The following FAT3 variants were observed in gnomAD, a reference collection of about 807,000 sequenced individuals.
FAT3 encodes protocadherin Fat 3.
A neutral mutation model predicts 310.2 loss-of-function variants in FAT3; 95 were observed. The observed-to-expected ratio is 0.31, with a 90% CI of 0.26 to 0.36. The LOEUF (loss-of-function observed/expected upper bound fraction) is 0.36. Ranked by LOEUF, FAT3 falls within the 10% of genes least tolerant of loss-of-function variation. FAT3 has a pLI of 1.00. For synonymous variants in FAT3, 2,314 were observed against 2,192.9 expected (o/e 1.06, Z -1.54); for missense variants, 5,408 against 5,715.6 (o/e 0.95, Z 1.74).
chr11:92,543,724 C>T (rs1954525666), intron 3 of FAT3, among the ~76,000 whole-genome samples: 1 of 152,186 alleles, frequency 6.6e-6, no homozygotes. Context: ...ATTCAACACT[C>T]TCCGACCTTT....
In FAT3 at chr11:92,774,057, C is replaced by T. The variant is rs745698430; in HGVS notation, c.4212C>T (p.Ser1404=). 53 of 1,612,530 alleles carry T rather than the reference C, an allele frequency of 3.3e-5. No homozygotes were observed. Among genetic ancestry groups the T allele is most frequent in the South Asian group, 4.4e-5 (4 of 90,740 alleles). The change falls in exon 7 of 28, where the codon AGC becomes AGT. Residue 1404 remains serine (S), a synonymous_variant. Transcript: ENST00000525166. ...WFDIVGGNFD[S]AFDAEKGVGT... Reference sequence around the variant, plus strand: ...AATCATCAGGGGGGAATTTTGACAGCGCTTTTGATGCAGAGAAGGGTGTTG... The same window carrying T: ...AATCATCAGGGGGGAATTTTGACAGTGCTTTTGATGCAGAGAAGGGTGTTG...
intron 2 of FAT3, among the ~76,000 whole-genome samples, chr11:92,379,296 A>G (rs1949431778): frequency 1.3e-5 from 2 of 152,184 alleles, no homozygotes; most frequent in South Asian, 4.1e-4. Context: ...TCCAAAATAC[A>G]TTCATAAATT....
chr11:92,610,519 T>C (rs561792931), intron 3 of FAT3, among the ~76,000 whole-genome samples: 1 of 152,206 alleles, frequency 6.6e-6, no homozygotes, highest in Non-Finnish European at 1.5e-5. Context: ...CTTCCTTTTT[T>C]AGACTTTCAA....
At chr11:92,386,863 A>G (rs1315166252) in intron 2 of FAT3, among the ~76,000 whole-genome samples, 1 of 152,200 alleles carries the variant, frequency 6.6e-6, no homozygotes, top group Non-Finnish European at 1.5e-5. Flanking sequence ...TAAGTGGACT[A>G]TATCATGCCT....
intron 1 of FAT3, among the ~76,000 whole-genome samples, chr11:92,315,970 T>C (rs1471033084): frequency 6.6e-6 from 1 of 152,166 alleles, no homozygotes; most frequent in Non-Finnish European, 1.5e-5. Context: ...TCTTTAATAA[T>C]GCATTGATCT....
chr11:92,296,967 C>G (rs1462959878), intron 1 of FAT3, among the ~76,000 whole-genome samples: 1 of 152,028 alleles, frequency 6.6e-6, no homozygotes, highest in African/African-American at 2.4e-5. Flanking sequence ...TAATTAAAGC[C>G]TCTGTATGCA....
At chr11:92,716,163 A>G (rs1944678140) in intron 4 of FAT3, among the ~76,000 whole-genome samples, 1 of 152,186 alleles carries the variant, frequency 6.6e-6, no homozygotes, top group Admixed American at 6.6e-5. Context: ...TAGTGGTAGC[A>G]GTAAGATAAA....
At chr11:92,326,749 C>A (rs1435947148) in intron 1 of FAT3, among the ~76,000 whole-genome samples, 1 of 152,164 alleles carries the variant, frequency 6.6e-6, no homozygotes, top group Non-Finnish European at 1.5e-5. Flanking sequence ...CTGGAGGAAC[C>A]CAGCCTCTAT....
intron 3 of FAT3, among the ~76,000 whole-genome samples, chr11:92,552,082 A>G (rs1047743242): frequency 2.0e-5 from 3 of 152,230 alleles, no homozygotes; most frequent in Middle Eastern, 3.2e-3. Context: ...TTGAAATACA[A>G]AAGTAGATTT....
chr11:92,455,883 T>C (rs781446525), intron 2 of FAT3, among the ~76,000 whole-genome samples: 30 of 152,216 alleles, frequency 2.0e-4, no homozygotes, highest in Non-Finnish European at 4.3e-4. Context: ...TAACTTTTAC[T>C]TAGCAACATG....
At chr11:92,637,659 A>G (rs914028424) in intron 3 of FAT3, among the ~76,000 whole-genome samples, 4 of 152,194 alleles carry the variant, frequency 2.6e-5, no homozygotes, top group Admixed American at 2.6e-4. Context: ...GTTAAGAACT[A>G]TAGTAACTTC....
intron 5 of FAT3, 122 bp downstream of exon 5, chr11:92,762,292 G>C: frequency 2.0e-6 from 2 of 1,025,320 alleles, no homozygotes; most frequent in Non-Finnish European, 2.8e-6. Context: ...AGCTGTGGAA[G>C]GGTTCTTTCT....
intron 22 of FAT3, among the ~76,000 whole-genome samples, chr11:92,874,603 G>C (rs1949482228): frequency 6.6e-6 from 1 of 152,198 alleles, no homozygotes; most frequent in African/African-American, 2.4e-5. Flanking sequence ...GCAATGGCGT[G>C]ATCTCGGCTC....
Position 92,624,317 on chromosome 11 carries a change from C to T in FAT3, c.3608-73067C>T, listed in dbSNP as rs1019193779. On this transcript the variant is annotated intron_variant, in intron 3 of 27. Coordinates refer to ENST00000525166, the MANE Select transcript of FAT3 (RefSeq NM_001367949.2). ...GAACACAGAGATGGGTGATGTCTGA[C>T]GGACTTAGGAAGCCGGTTAAAGTTG... Among the ~76,000 whole-genome samples the T allele has an allele frequency of 5.9e-5, 9 of 152,066 alleles. 1 individual carries two copies. The highest frequency in any genetic ancestry group is 4.1e-4 in the South Asian group (2 of 4,822).
In FAT3 at chr11:92,354,385, A is replaced by T; in HGVS notation, c.2273A>T (p.Asn758Ile). Residue 758 changes from asparagine (N) to isoleucine (I), a missense_variant, in exon 2 of 28, where the codon AAT becomes ATT. Physicochemically the swap from Asn to Ile is moderately radical, Grantham distance 149 (BLOSUM62 -3). Coordinates refer to ENST00000525166, the MANE Select transcript of FAT3 (RefSeq NM_001367949.2). ...IKAYDADSGF[N>I]GKVLFTISDG... The stretch of plus-strand genomic sequence containing the variant: ...GCCTATGATGCCGACTCTGGCTTCA[A>T]TGGAAAAGTGCTATTTACAATATCA... The T allele has an allele frequency of 6.2e-7, 1 of 1,613,934 alleles. No individual in the cohort carries two copies. The highest frequency in any genetic ancestry group is 8.5e-7 in the Non-Finnish European group (1 of 1,179,862).
rs1057453665 is a variant in FAT3, at chr11:92,524,651, G to A, written c.3310G>A (p.Asp1104Asn). ...DDESGVITAA[D>N]ILDRETMGSY... ...TGTCTCAGGGGTCATCACTGCCGCA[G>A]ACATTCTTGATCGGGAGACAATGGG... The change falls in exon 3 of 28, where the codon GAC becomes AAC. Residue 1104 changes from aspartate to asparagine, a missense_variant. Physicochemically the swap from Asp to Asn is conservative, Grantham distance 23. Transcript: ENST00000525166. 4 of 1,613,104 alleles carry A rather than the reference G, an allele frequency of 2.5e-6. No individual in the cohort carries two copies. The highest frequency in any genetic ancestry group is 3.4e-6 in the Non-Finnish European group (4 of 1,179,244).
chr11:92,429,570 G>A (rs541337336), intron 2 of FAT3, among the ~76,000 whole-genome samples: 224 of 152,246 alleles, frequency 1.5e-3, no homozygotes, highest in African/African-American at 5.0e-3. Flanking sequence ...TGTAAGGCAG[G>A]CCTGGTGGTA....
chr11:92,424,420 A>G (rs1184739764), intron 2 of FAT3, among the ~76,000 whole-genome samples: 2 of 152,122 alleles, frequency 1.3e-5, no homozygotes, highest in Non-Finnish European at 2.9e-5. Flanking sequence ...TCTCCTATGG[A>G]CCTTGCCACA....
At chr11:92,667,843 CT>C (rs955188632) in intron 3 of FAT3, among the ~76,000 whole-genome samples, 8 of 152,186 alleles carry the variant, frequency 5.3e-5, no homozygotes, top group Non-Finnish European at 1.2e-4. Flanking sequence ...GAACTGATTT[CT>C]TTTTTTCTAC....
Sources: allele counts gnomAD v4.1 joint callset (sites outside exome capture counted in the v4.1 genomes callset), GRCh38; gene constraint gnomAD v4.1.1; transcripts MANE v1.5; gene names NCBI Gene and HGNC (gene_info 2026-07-23, HGNC 2026-07-21).